KAZN: variants seen among roughly 807,000 people sequenced by gnomAD.
KAZN encodes the protein kazrin, periplakin interacting protein.
Under a neutral mutation model 87.4 loss-of-function variants are expected in KAZN, and 40 were observed. The ratio of observed to expected loss-of-function variants is 0.46; its 90% CI spans 0.36 to 0.60. The LOEUF (loss-of-function observed/expected upper bound fraction) is 0.60, where lower values mean the gene tolerates loss of function less well. Among genes scored for constraint, KAZN ranks in the 20% least tolerant of loss-of-function variants. The pLI is 0.00. For missense variants in KAZN, 898 were observed against 1,073.9 expected, an observed-to-expected ratio of 0.84 and a Z score of 2.29; for synonymous variants, 466 against 458.3, an observed-to-expected ratio of 1.02 and a Z score of -0.22.
At chr1:14,264,810 C>T (rs1651347430) in intron 2 of KAZN, among the ~76,000 whole-genome samples, 1 of 152,218 alleles carries the variant, frequency 6.6e-6, no homozygotes, top group Non-Finnish European at 1.5e-5. Flanking sequence ...CTCTCTGACT[C>T]CAAACAAATA....
chr1:14,058,026 G>C (rs549611994), intron 1 of KAZN, among the ~76,000 whole-genome samples: 20 of 152,278 alleles, frequency 1.3e-4, no homozygotes, highest in African/African-American at 4.8e-4. Context: ...ATGTGGAAAA[G>C]TTGTTATCCT....
intron 2 of KAZN, among the ~76,000 whole-genome samples, chr1:15,002,335 G>A (rs973750132): frequency 1.3e-5 from 2 of 152,176 alleles, no homozygotes; most frequent in Non-Finnish European, 2.9e-5. Flanking sequence ...GAGAAATCTG[G>A]GGGTACAGCC....
In KAZN at chr1:14,492,377, A is replaced by T. The variant is rs188791789; in HGVS notation, c.250-106606A>T. Among the ~76,000 whole-genome samples the T allele has an allele frequency of 1.5e-3, 229 of 151,836 alleles. 7 individuals carry two copies. Among genetic ancestry groups the T allele is most frequent in the Admixed American group, 0.015 (225 of 15,264 alleles). ...CCTGCCTCCTCGTGGCTTCTGCTTC[A>T]CTCATTCACTCATTCTGTCAGTGAA... On this transcript the variant is annotated intron_variant, in intron 2 of 16. Coordinates refer to the KAZN transcript ENST00000636203.
intron 2 of KAZN, among the ~76,000 whole-genome samples, chr1:14,326,097 A>G (rs745959277): frequency 1.3e-5 from 2 of 152,154 alleles, no homozygotes; most frequent in Non-Finnish European, 1.5e-5. Context: ...GATTCCATCA[A>G]ACTGCTTAAT....
chr1:13,961,475 G>T (rs1414222924), intron 1 of KAZN, among the ~76,000 whole-genome samples: 1 of 152,190 alleles, frequency 6.6e-6, no homozygotes, highest in Non-Finnish European at 1.5e-5. Flanking sequence ...TTTGGGCTGG[G>T]CTGGGATGCC....
chr1:14,011,955 T>C (rs1640334722), intron 1 of KAZN, among the ~76,000 whole-genome samples: 4 of 152,106 alleles, frequency 2.6e-5, no homozygotes, highest in Non-Finnish European at 4.4e-5. Context: ...AGGGGGTGTT[T>C]GGAAATGATT....
At chr1:14,991,167 A>G (rs980351136) in intron 2 of KAZN, among the ~76,000 whole-genome samples, 4 of 152,054 alleles carry the variant, frequency 2.6e-5, no homozygotes, top group African/African-American at 9.7e-5. Context: ...AGCCTGGCCA[A>G]AATGGCGAAA....
At chr1:14,390,570 T>C (rs4661490) in intron 2 of KAZN, 6,162 of 152,356 alleles carry the variant, frequency 0.04, 267 homozygotes, top group Admixed American at 0.13. Flanking sequence ...ATGTTTTGTA[T>C]TGCTGGACTC....
At chr1:14,691,196 G>GA (rs943595092) in intron 1 of KAZN, among the ~76,000 whole-genome samples, 8 of 151,156 alleles carry the variant, frequency 5.3e-5, no homozygotes, top group East Asian at 1.9e-4. Flanking sequence ...TTCAGGTGGG[G>GA]AAAAAAAAAT....
intron 1 of KAZN, among the ~76,000 whole-genome samples, chr1:14,802,613 C>T (rs1029095566): frequency 1.3e-5 from 2 of 152,142 alleles, no homozygotes; most frequent in Non-Finnish European, 2.9e-5. Flanking sequence ...GCAGCCGTCT[C>T]GGGGCTGGGA....
chr1:14,693,240 G>A (rs1000857918), intron 1 of KAZN, among the ~76,000 whole-genome samples: 10 of 152,124 alleles, frequency 6.6e-5, no homozygotes, highest in East Asian at 3.9e-4. Flanking sequence ...CGCATTTGCC[G>A]TTCTTAATAG....
At chr1:14,173,288 CAGAT>C (rs1266045180) in intron 1 of KAZN, among the ~76,000 whole-genome samples, 1 of 152,168 alleles carries the variant, frequency 6.6e-6, no homozygotes, top group Non-Finnish European at 1.5e-5. Flanking sequence ...AAACCTAACT[CAGAT>C]GGGCTAAAGA....
chr1:15,101,519 T>C, intron 10 of KAZN, 24 bp from the exon 11 acceptor site: 1 of 1,517,704 alleles, frequency 6.6e-7, no homozygotes, highest in Non-Finnish European at 9.0e-7. Flanking sequence ...ACCCATCCAC[T>C]CTCTGGCTAT....
intron 1 of KAZN, among the ~76,000 whole-genome samples, chr1:14,669,309 A>G (rs1639770847): frequency 6.6e-6 from 1 of 152,096 alleles, no homozygotes. Flanking sequence ...AGGAGCCAGT[A>G]GGTAAAGGTC....
At chr1:14,889,497 G>A (rs1654472807) in intron 1 of KAZN, among the ~76,000 whole-genome samples, 1 of 152,176 alleles carries the variant, frequency 6.6e-6, no homozygotes, top group African/African-American at 2.4e-5. Context: ...CTTTGCAGGG[G>A]GAGCACAAAC....
intron 2 of KAZN, among the ~76,000 whole-genome samples, chr1:14,476,188 CTTGG>C (rs999624488): frequency 6.6e-6 from 1 of 152,120 alleles, no homozygotes; most frequent in Non-Finnish European, 1.5e-5. Context: ...TAGGCTGCTC[CTTGG>C]TTGGTTGGTT....
chr1:14,819,505 G>T (rs1195616668), intron 1 of KAZN, among the ~76,000 whole-genome samples: 2 of 151,948 alleles, frequency 1.3e-5, no homozygotes, highest in South Asian at 4.2e-4. Flanking sequence ...AATAAAAACT[G>T]GTTTTCCCAA....
At chr1:14,682,581 C>G (rs1640734323) in intron 1 of KAZN, among the ~76,000 whole-genome samples, 1 of 152,140 alleles carries the variant, frequency 6.6e-6, no homozygotes, top group Non-Finnish European at 1.5e-5. Flanking sequence ...AGGCACCATG[C>G]CTGGCCAGAA....
At chr1:14,920,029 G>A (rs550781318) in intron 1 of KAZN, among the ~76,000 whole-genome samples, 2 of 152,268 alleles carry the variant, frequency 1.3e-5, no homozygotes, top group South Asian at 2.1e-4. Context: ...ATTAAGTGAT[G>A]CATGACTATT....
Sources: allele counts gnomAD v4.1 joint callset (sites outside exome capture counted in the v4.1 genomes callset), GRCh38; gene constraint gnomAD v4.1.1; transcripts MANE v1.5; gene names NCBI Gene and HGNC (gene_info 2026-07-23, HGNC 2026-07-21).